Variants in SLC1A2 observed in about 807,000 individuals in gnomAD.
The protein encoded by SLC1A2 is solute carrier family 1 member 2, also known as excitatory amino acid transporter 2.
A neutral mutation model predicts 48.8 loss-of-function variants in SLC1A2; 15 were observed. The observed-to-expected ratio is 0.31, with a 90% confidence interval of 0.21 to 0.47. The LOEUF is 0.47. SLC1A2 is among the 20% of genes least tolerant of loss of function. SLC1A2 has a pLI of 0.99. For synonymous variants in SLC1A2, 279 were observed against 272.6 expected (o/e 1.02, Z -0.23); for missense variants, 502 against 730.5 (o/e 0.69, Z 3.61).
Position 35,306,150 on chromosome 11 carries a change from A to C in SLC1A2, c.654T>G (p.Thr218=). ...TAGTCTCCTCCGGCACCTCAGTCACAGTCTCGTTCAACAGAGAGACAACAG... is the reference window on the plus strand; with the variant it reads ...TAGTCTCCTCCGGCACCTCAGTCACCGTCTCGTTCAACAGAGAGACAACAG... ...TSAVVSLLNE[T]VTEVPEETKM... Residue 218 remains threonine (T), a synonymous_variant, in exon 5 of 11, where the codon ACT becomes ACG. Coordinates refer to ENST00000278379, the MANE Select transcript of SLC1A2 (RefSeq NM_004171.4). 6.2e-7 allele frequency: 1 copy of C among 1,614,106 alleles called. No individual in the cohort carries two copies. The highest frequency in any genetic ancestry group is 8.5e-7 in the Non-Finnish European group (1 of 1,179,954).
intron 1 of SLC1A2, among the ~76,000 whole-genome samples, chr11:35,384,509 C>T (rs76145923): frequency 7.7e-4 from 117 of 152,282 alleles, no homozygotes; most frequent in African/African-American, 2.7e-3. Context: ...GGCCATAATT[C>T]AAAATGACAA....
At chr11:35,277,969 AC>A in intron 9 of SLC1A2, among the ~76,000 whole-genome samples, 1 of 152,032 alleles carries the variant, frequency 6.6e-6, no homozygotes, top group Middle Eastern at 3.4e-3. Context: ...TCACCCATAC[AC>A]CACCATTGAC....
At chr11:35,304,375 C>A (rs1851442357) in intron 5 of SLC1A2, among the ~76,000 whole-genome samples, 1 of 152,052 alleles carries the variant, frequency 6.6e-6, no homozygotes, top group South Asian at 2.1e-4. Context: ...TAAGTTATGA[C>A]CCACCAGAAA....
In SLC1A2 at chr11:35,280,724, G is replaced by A. The variant is rs916423409; in HGVS notation, c.1421+143C>T. On this transcript the variant is annotated intron_variant, in intron 9 of 10. Coordinates refer to ENST00000278379, the MANE Select transcript of SLC1A2 (RefSeq NM_004171.4). ...TCTTTGGTTCTCAAATAGGTCCTCA[G>A]TAAATGTGAGCGGGAAGGAGGAAGG... The A allele has an allele frequency of 3.0e-5, 17 of 573,288 alleles. No individual in the cohort carries two copies. The African/African-American group carries it at 3.1e-4, about 10-fold the overall frequency. The allele number at this position is 573,288 out of a possible 1,614,324, so 35.5% of individuals were successfully genotyped here.
chr11:35,384,422 A>G (rs1462325078), intron 1 of SLC1A2, among the ~76,000 whole-genome samples: 4 of 152,214 alleles, frequency 2.6e-5, no homozygotes, highest in African/African-American at 9.6e-5. Context: ...TTAAAAAAGT[A>G]ATGTACAAAT....
chr11:35,334,440 G>A lies in SLC1A2; in HGVS notation c.18-16924C>T, dbSNP rs148361618. Among the ~76,000 whole-genome samples, 4 of 152,286 alleles carry A rather than the reference G, an allele frequency of 2.6e-5. No individual in the cohort carries two copies. The East Asian group carries it at 5.8e-4, about 22-fold the overall frequency. ...CAGGTAGGGAGTGATTTAACAGAGCGAATCACGTTGTTGTTACTAAAGATG... is the reference window on the plus strand; with the variant it reads ...CAGGTAGGGAGTGATTTAACAGAGCAAATCACGTTGTTGTTACTAAAGATG... On this transcript the variant is annotated intron_variant, in intron 1 of 10. Coordinates refer to ENST00000278379, the MANE Select transcript of SLC1A2 (RefSeq NM_004171.4).
At chr11:35,350,823 T>C (rs1853224142) in intron 1 of SLC1A2, among the ~76,000 whole-genome samples, 1 of 152,224 alleles carries the variant, frequency 6.6e-6, no homozygotes, top group Non-Finnish European at 1.5e-5. Flanking sequence ...TACCAGGCAC[T>C]GAAGTGTCCT....
At position 35,252,459 on chromosome 11, in the gene SLC1A2, G is replaced by T. The variant is rs1248110679; in HGVS notation, c.*8435C>A. 6.6e-6 allele frequency: 1 copy of T among 152,096 alleles called. No individual in the cohort carries two copies. Among genetic ancestry groups the T allele is most frequent in the African/African-American group, 2.4e-5 (1 of 41,410 alleles). The allele number at this position is 152,096 out of a possible 1,614,324, so 9.4% of individuals were successfully genotyped here. A position where few individuals can be genotyped will look rare whatever the true frequency, so the allele number is the denominator to read the frequency against. On this transcript the variant is annotated 3_prime_UTR_variant, in exon 11 of 11. Transcript: ENST00000278379. ...CTAGGTAATCAAAAGTTCCACAGTT[G>T]CATTCACCATGTATTAAACAGACAT...
At chr11:35,336,378 A>G (rs1852633381) in intron 1 of SLC1A2, among the ~76,000 whole-genome samples, 1 of 152,228 alleles carries the variant, frequency 6.6e-6, no homozygotes. Context: ...ATCTCTATCT[A>G]GAACCCTTTG....
intron 1 of SLC1A2, among the ~76,000 whole-genome samples, chr11:35,381,802 G>A (rs1854431787): frequency 6.6e-6 from 1 of 152,172 alleles, no homozygotes; most frequent in South Asian, 2.1e-4. Context: ...TCTTGTAAGT[G>A]TCATATTGCA....
chr11:35,296,558 AT>A (rs1416054521), intron 6 of SLC1A2, among the ~76,000 whole-genome samples: 1 of 152,138 alleles, frequency 6.6e-6, no homozygotes, highest in Non-Finnish European at 1.5e-5. Context: ...ATTCCAACCC[AT>A]CAAGGTGGCC....
At chr11:35,378,621 G>C (rs1198177022) in intron 1 of SLC1A2, among the ~76,000 whole-genome samples, 1 of 152,190 alleles carries the variant, frequency 6.6e-6, no homozygotes, top group African/African-American at 2.4e-5. Context: ...AAGAAGGACA[G>C]GGTGAAAAAA....
At chr11:35,403,567 T>C (rs1357146892) in intron 1 of SLC1A2, among the ~76,000 whole-genome samples, 1 of 152,228 alleles carries the variant, frequency 6.6e-6, no homozygotes, top group Non-Finnish European at 1.5e-5. Context: ...TGAGACCCCT[T>C]GTTCAAATTA....
chr11:35,331,991 G>T (rs116052894), intron 1 of SLC1A2, among the ~76,000 whole-genome samples: 16 of 152,254 alleles, frequency 1.1e-4, no homozygotes, highest in South Asian at 6.2e-4. Context: ...ACCCAAGTCT[G>T]CAGGGACTGG....
At chr11:35,287,594 A>G (rs1034858159) in intron 7 of SLC1A2, among the ~76,000 whole-genome samples, 23 of 152,198 alleles carry the variant, frequency 1.5e-4, no homozygotes, top group Admixed American at 2.6e-4. Flanking sequence ...CTTCAATGAC[A>G]TGGAGCAGGA....
chr11:35,307,101 G>A (rs888295615), intron 4 of SLC1A2: 3 of 152,242 alleles, frequency 2.0e-5, no homozygotes, highest in East Asian at 3.8e-4. Flanking sequence ...ATCTGGTTAA[G>A]AATAGGAAGC....
chr11:35,347,967 G>A (rs1853100811), intron 1 of SLC1A2, among the ~76,000 whole-genome samples: 1 of 152,224 alleles, frequency 6.6e-6, no homozygotes, highest in Non-Finnish European at 1.5e-5. Context: ...AGTGGCAGAA[G>A]GGACCTCTTC....
chr11:35,415,252 T>C (rs1189903624), intron 1 of SLC1A2, among the ~76,000 whole-genome samples: 1 of 152,232 alleles, frequency 6.6e-6, no homozygotes, highest in Non-Finnish European at 1.5e-5. Context: ...AAGTGGCCAT[T>C]GATACTGATG....
At chr11:35,326,428 T>C (rs1416754850) in intron 1 of SLC1A2, among the ~76,000 whole-genome samples, 2 of 152,266 alleles carry the variant, frequency 1.3e-5, no homozygotes, top group East Asian at 3.9e-4. Context: ...TTCCAATCAG[T>C]CTCCCAGATG....
Sources: allele counts gnomAD v4.1 joint callset (sites outside exome capture counted in the v4.1 genomes callset), GRCh38; gene constraint gnomAD v4.1.1; transcripts MANE v1.5; gene names NCBI Gene and HGNC (gene_info 2026-07-23, HGNC 2026-07-21).